TOM1L2: variants seen among roughly 807,000 people sequenced by gnomAD.
TOM1L2 encodes the protein target of myb1 like 2 membrane trafficking protein.
Under a neutral mutation model 67.9 loss-of-function variants are expected in TOM1L2, and 31 were observed. The ratio of observed to expected loss-of-function variants is 0.46; its 90% CI spans 0.34 to 0.62. TOM1L2 has a LOEUF of 0.62. TOM1L2 is among the 20% of genes least tolerant of loss of function. TOM1L2 has a pLI of 0.01. For synonymous variants in TOM1L2, 256 were observed against 254.0 expected (o/e 1.01, Z -0.07); for missense variants, 606 against 663.5 (o/e 0.91, Z 0.95).
chr17:17,884,062 A>G (rs1245356117), intron 5 of TOM1L2, among the ~76,000 whole-genome samples: 1 of 152,136 alleles, frequency 6.6e-6, no homozygotes, highest in African/African-American at 2.4e-5. Context: ...TGCTCAAGTT[A>G]CTGTTGGCAC....
chr17:17,924,113 G>A (rs1044748541), intron 1 of TOM1L2, among the ~76,000 whole-genome samples: 9 of 152,150 alleles, frequency 5.9e-5, no homozygotes, highest in African/African-American at 2.2e-4. Context: ...CTCCAGAATG[G>A]GCAACAGAGC....
At chr17:17,905,936 G>A (rs533720049) in intron 2 of TOM1L2, among the ~76,000 whole-genome samples, 44 of 151,992 alleles carry the variant, frequency 2.9e-4, no homozygotes, top group African/African-American at 8.9e-4. Context: ...ACTCTGCTCC[G>A]GGCCCATTAG....
chr17:17,906,202 C>CTGT lies in TOM1L2; in HGVS notation c.137+1244_137+1245insACA, dbSNP rs1491004574. On this transcript the variant is annotated intron_variant, in intron 2 of 14. Coordinates refer to ENST00000379504, the MANE Select transcript of TOM1L2 (RefSeq NM_001082968.2). ...GGAGTACAGTGGCATGCTCATGGCT[C>CTGT]ACTGCAGCCTCGACCTCCTGGGCTC... is the stretch of plus-strand genomic sequence containing the variant. Among the ~76,000 whole-genome samples the CTGT allele has an allele frequency of 9.9e-5, 15 of 150,822 alleles. No homozygotes were observed. In the South Asian group the frequency reaches 3.2e-3, roughly 32 times the overall value.
intron 7 of TOM1L2, among the ~76,000 whole-genome samples, chr17:17,878,579 C>A (rs545208745): frequency 5.9e-5 from 9 of 152,182 alleles, no homozygotes; most frequent in Admixed American, 1.3e-4. Flanking sequence ...CCTTCACAGG[C>A]GGCAAGCATG....
chr17:17,880,199 C>A (rs1351467704), intron 6 of TOM1L2, among the ~76,000 whole-genome samples: 1 of 152,174 alleles, frequency 6.6e-6, no homozygotes. Context: ...AGACTCTGCT[C>A]CTAGGAGTTT....
At chr17:17,905,126 C>T (rs2039034075) in intron 2 of TOM1L2, among the ~76,000 whole-genome samples, 1 of 152,216 alleles carries the variant, frequency 6.6e-6, no homozygotes, top group Non-Finnish European at 1.5e-5. Context: ...TGTGTAGTCC[C>T]TAACAACTAT....
At chr17:17,851,496 T>C (rs2035977448) in intron 12 of TOM1L2, among the ~76,000 whole-genome samples, 1 of 152,174 alleles carries the variant, frequency 6.6e-6, no homozygotes, top group Non-Finnish European at 1.5e-5. Context: ...AAATGCGTCC[T>C]GGTGCATTTC....
chr17:17,957,527 GC>G (rs2041509231), intron 1 of TOM1L2, among the ~76,000 whole-genome samples: 1 of 152,036 alleles, frequency 6.6e-6, no homozygotes. Context: ...CAACATGTAA[GC>G]ATGTGTCAAA....
At chr17:17,967,616 T>C (rs1156406011) in intron 1 of TOM1L2, among the ~76,000 whole-genome samples, 1 of 152,226 alleles carries the variant, frequency 6.6e-6, no homozygotes, top group African/African-American at 2.4e-5. Flanking sequence ...CTCTTTTTTT[T>C]CTTTTTTGGA....
At chr17:17,881,240 T>G (rs2037708353) in intron 6 of TOM1L2, among the ~76,000 whole-genome samples, 1 of 152,080 alleles carries the variant, frequency 6.6e-6, no homozygotes, top group African/African-American at 2.4e-5. Flanking sequence ...GAGAAGAGGT[T>G]TCTGGCTAGG....
chr17:17,922,903 T>C (rs2039936406), intron 1 of TOM1L2, among the ~76,000 whole-genome samples: 1 of 152,142 alleles, frequency 6.6e-6, no homozygotes, highest in Non-Finnish European at 1.5e-5. Flanking sequence ...CTTAACTGCC[T>C]CCTGGAGTGT....
In TOM1L2 at chr17:17,869,435, G is replaced by C. The variant is rs1357291759; in HGVS notation, c.816C>G (p.Ile272Met). ...TGGACACGCGGGAGATGAGCTCCAC[G>C]ATGCGCTGCTGCATGGCCCGACAGG... Reference protein sequence around the residue: ...NRTCRAMQQRIVELISRVSNE... With the variant: ...NRTCRAMQQRMVELISRVSNE... Residue 272 changes from isoleucine (I) to methionine (M), a missense_variant, in exon 8 of 15, where the codon ATC becomes ATG. Coordinates refer to ENST00000379504, the MANE Select transcript of TOM1L2 (RefSeq NM_001082968.2). The C allele has an allele frequency of 6.2e-7, 1 of 1,612,938 alleles. No individual in the cohort carries two copies. The highest frequency in any genetic ancestry group is 1.3e-5 in the African/African-American group (1 of 74,906).
intron 7 of TOM1L2, chr17:17,872,120 C>T: frequency 1.2e-6 from 1 of 858,496 alleles, no homozygotes; most frequent in Non-Finnish European, 1.4e-6. Context: ...AACCCAGTCA[C>T]AATTACTGTA....
At chr17:17,949,256 C>G (rs1045033817) in intron 1 of TOM1L2, among the ~76,000 whole-genome samples, 5 of 152,202 alleles carry the variant, frequency 3.3e-5, no homozygotes, top group Non-Finnish European at 7.3e-5. Flanking sequence ...CAGTGTGGAA[C>G]TCGTGCCAGG....
chr17:17,920,375 C>T (rs1010130412), intron 1 of TOM1L2, among the ~76,000 whole-genome samples: 2 of 126,916 alleles, frequency 1.6e-5, no homozygotes, highest in African/African-American at 6.2e-5. Flanking sequence ...GAGTCTCGCT[C>T]TGTTGCCCAG....
intron 12 of TOM1L2, among the ~76,000 whole-genome samples, chr17:17,857,611 T>C (rs111879805): frequency 2.6e-4 from 39 of 152,228 alleles, no homozygotes; most frequent in African/African-American, 9.2e-4. Context: ...TATGCAAAAA[T>C]AGGAGGGGAA....
intron 1 of TOM1L2, among the ~76,000 whole-genome samples, chr17:17,921,586 C>T (rs2039871406): frequency 6.6e-6 from 1 of 152,106 alleles, no homozygotes; most frequent in South Asian, 2.1e-4. Flanking sequence ...CAAGATGGTG[C>T]CAGGCTTTGG....
At chr17:17,962,241 G>C (rs1006774932) in intron 1 of TOM1L2, among the ~76,000 whole-genome samples, 4 of 152,046 alleles carry the variant, frequency 2.6e-5, no homozygotes, top group African/African-American at 7.2e-5. Context: ...CCAGGGGCTG[G>C]GGGGAGGAGG....
Position 17,848,839 on chromosome 17 carries a change from C to G in TOM1L2, c.1359G>C (p.Glu453Asp), listed in dbSNP as rs2035802411. The G allele has an allele frequency of 6.2e-7, 1 of 1,614,064 alleles. No individual in the cohort carries two copies. Among genetic ancestry groups the G allele is most frequent in the South Asian group, 1.1e-5 (1 of 91,094 alleles). ...AGGCCATACCTTCACTTGTGACACC[C>G]TCCTCCAGATCATCACCCTTCTGTG... is the stretch of plus-strand genomic sequence containing the variant. Reference protein sequence around the residue: ...RTDLKGDDLEEGVTSEEFDKF... With the variant: ...RTDLKGDDLEDGVTSEEFDKF... The change falls in exon 14 of 15, where the codon GAG becomes GAC. Residue 453 changes from glutamate (E) to aspartate (D), a missense_variant. Glu to Asp is a conservative substitution (Grantham distance 45, BLOSUM62 2). Coordinates refer to ENST00000379504, the MANE Select transcript of TOM1L2 (RefSeq NM_001082968.2).
Sources: gnomAD v4.1 joint callset for allele counts (sites outside exome capture counted in the v4.1 genomes callset) on GRCh38, gnomAD v4.1.1 for gene constraint, MANE v1.5 for transcripts, NCBI Gene and HGNC (gene_info 2026-07-23, HGNC 2026-07-21) for gene names.